FOXP1: variants seen among roughly 807,000 people sequenced by gnomAD.
The protein encoded by FOXP1 is forkhead box protein P1.
In FOXP1, 15 loss-of-function variants were observed where a neutral mutation model predicts 98.2. That is an observed-to-expected ratio of 0.15 (90% CI 0.10 to 0.24). The LOEUF (loss-of-function observed/expected upper bound fraction) is 0.24. Among genes scored for constraint, FOXP1 ranks in the 10% least tolerant of loss-of-function variants. FOXP1 has a pLI of 1.00. For missense variants in FOXP1, 633 were observed against 848.5 expected (o/e 0.75, Z 3.15); for synonymous variants, 371 against 314.5 (o/e 1.18, Z -1.90).
intron 20 of FOXP1, among the ~76,000 whole-genome samples, chr3:70,961,068 G>A (rs1372588843): frequency 1.3e-5 from 2 of 151,652 alleles, no homozygotes; most frequent in Non-Finnish European, 2.9e-5. Flanking sequence ...TCCTGACCTC[G>A]TGATCCGCCC....
chr3:71,557,556 C>G (rs1398261613), intron 2 of FOXP1, among the ~76,000 whole-genome samples: 3 of 152,214 alleles, frequency 2.0e-5, no homozygotes, highest in African/African-American at 7.2e-5. Flanking sequence ...TGCAGTGAGA[C>G]ACAAGAGGAA....
Position 71,434,782 on chromosome 3 carries a change from T to C in FOXP1, c.-168+58644A>G, listed in dbSNP as rs137928975. 1.7e-4 allele frequency among the ~76,000 whole-genome samples: 26 copies of C among 152,030 alleles called. No homozygotes were observed. The East Asian group carries it at 5.0e-3, about 30-fold the overall frequency. ...TAGAGTAGAGGTGAATATGGCCAAA[T>C]GTCAACAGTTATTAATTCTGGGTAG... On this transcript the variant is annotated intron_variant, in intron 3 of 20. Transcript: ENST00000649528.
chr3:71,503,744 T>C (rs2041599463), intron 2 of FOXP1, among the ~76,000 whole-genome samples: 1 of 152,120 alleles, frequency 6.6e-6, no homozygotes, highest in Non-Finnish European at 1.5e-5. Context: ...GAAGCCTGTA[T>C]GGAGCCTCAT....
At chr3:70,999,326 G>A (rs2041818596) in intron 13 of FOXP1, among the ~76,000 whole-genome samples, 1 of 152,148 alleles carries the variant, frequency 6.6e-6, no homozygotes, top group Admixed American at 6.5e-5. Context: ...CTGACCTTGT[G>A]ATCCACCCGC....
At chr3:71,052,270 A>G (rs2049998616) in intron 9 of FOXP1, among the ~76,000 whole-genome samples, 1 of 152,164 alleles carries the variant, frequency 6.6e-6, no homozygotes, top group African/African-American at 2.4e-5. Context: ...CCAGGTTGCA[A>G]AAAGTAACCT....
intron 3 of FOXP1, among the ~76,000 whole-genome samples, chr3:71,488,905 AACAT>A (rs2090859917): frequency 1.3e-5 from 2 of 152,238 alleles, no homozygotes; most frequent in Admixed American, 1.3e-4. Flanking sequence ...CAGCTTATAA[AACAT>A]ATTATGTAGT....
intron 11 of FOXP1, among the ~76,000 whole-genome samples, chr3:71,035,287 CTG>C (rs1325920990): frequency 3.9e-5 from 6 of 152,184 alleles, no homozygotes; most frequent in African/African-American, 1.4e-4. Context: ...GCCTAGGAAG[CTG>C]TGTGTTTAAC....
At chr3:71,387,900 T>C (rs541943494) in intron 3 of FOXP1, among the ~76,000 whole-genome samples, 1 of 152,338 alleles carries the variant, frequency 6.6e-6, no homozygotes, top group East Asian at 1.9e-4. Context: ...ACTGACTTGG[T>C]TATAGTCAGA....
intron 3 of FOXP1, among the ~76,000 whole-genome samples, chr3:71,420,962 T>C (rs1349730352): frequency 1.3e-5 from 2 of 152,160 alleles, no homozygotes; most frequent in Non-Finnish European, 2.9e-5. Context: ...GTGAGCCCTA[T>C]GCCCAGTGAA....
At chr3:71,199,514 G>A (rs1366565484) in intron 5 of FOXP1, among the ~76,000 whole-genome samples, 1 of 150,518 alleles carries the variant, frequency 6.6e-6, no homozygotes, top group Non-Finnish European at 1.5e-5. Flanking sequence ...AACACTTAAG[G>A]TCAGGAGTTC....
At chr3:71,036,745 T>A (rs1192011306) in intron 11 of FOXP1, among the ~76,000 whole-genome samples, 1 of 152,200 alleles carries the variant, frequency 6.6e-6, no homozygotes, top group Non-Finnish European at 1.5e-5. Context: ...TTATAGCTTG[T>A]AAATCCCACC....
intron 13 of FOXP1, among the ~76,000 whole-genome samples, chr3:70,994,345 G>A (rs1474305): frequency 0.17 from 26,302 of 151,950 alleles, 2,840 homozygotes; most frequent in East Asian, 0.52. Context: ...TTCAGTCCAA[G>A]AAAGTAAACT....
intron 6 of FOXP1, among the ~76,000 whole-genome samples, chr3:71,123,488 A>G (rs1395098439): frequency 6.6e-6 from 1 of 152,244 alleles, no homozygotes. Context: ...TGGTTCAGCT[A>G]AGCCAAGGTT....
intron 5 of FOXP1, among the ~76,000 whole-genome samples, chr3:71,208,277 A>G (rs1258560144): frequency 1.3e-5 from 2 of 152,156 alleles, no homozygotes; most frequent in East Asian, 1.9e-4. Flanking sequence ...TTGTTCCACA[A>G]AGAAATTTCT....
chr3:71,116,360 C>T (rs867574318), intron 6 of FOXP1, among the ~76,000 whole-genome samples: 1 of 152,048 alleles, frequency 6.6e-6, no homozygotes, highest in African/African-American at 2.4e-5. Context: ...AAAAGGTTTG[C>T]AAACTTGTAT....
At chr3:71,131,277 T>C (rs1056398128) in intron 6 of FOXP1, among the ~76,000 whole-genome samples, 2 of 152,070 alleles carry the variant, frequency 1.3e-5, no homozygotes, top group Non-Finnish European at 2.9e-5. Context: ...CCCAAAATGA[T>C]TGTCACAGTC....
intron 3 of FOXP1, among the ~76,000 whole-genome samples, chr3:71,429,483 T>TG (rs1419993730): frequency 0.2 from 1,588 of 8,096 alleles, 38 homozygotes; most frequent in African/African-American, 0.34. Context: ...AACTTGGGGG[T>TG]GGGGGGGCGG....
intron 1 of FOXP1, chr3:71,582,152 C>T: frequency 4.1e-6 from 4 of 984,926 alleles, no homozygotes; most frequent in Non-Finnish European, 4.8e-6. Context: ...GGGAGCGGAG[C>T]TCCCCAGAGC....
In FOXP1 at chr3:71,475,785, T is replaced by A. The variant is rs948752565; in HGVS notation, c.-168+17641A>T. Among the ~76,000 whole-genome samples, 5 of 152,046 alleles carry A rather than the reference T, an allele frequency of 3.3e-5. No homozygotes were observed. In the South Asian group the frequency reaches 1.0e-3, roughly 32 times the overall value. On this transcript the variant is annotated intron_variant, in intron 3 of 20. Coordinates refer to ENST00000649528, the MANE Select transcript of FOXP1 (RefSeq NM_001349338.3). ...TGAACCCGGGAGGCGGAGGTTGCAG[T>A]GAGCTGAGATTGTGCCACTGCACTC...
Sources: gnomAD v4.1 joint callset for allele counts (sites outside exome capture counted in the v4.1 genomes callset) on GRCh38, gnomAD v4.1.1 for gene constraint, MANE v1.5 for transcripts, NCBI Gene and HGNC (gene_info 2026-07-23, HGNC 2026-07-21) for gene names.